The following LHCGR variants were observed in gnomAD, a reference collection of about 807,000 sequenced individuals.
LHCGR encodes the protein lutropin-choriogonadotropic hormone receptor.
LHCGR carries 55 observed loss-of-function variants against 60.7 expected under a neutral mutation model. The ratio of observed to expected loss-of-function variants is 0.91; its 90% CI spans 0.73 to 1.13. LHCGR has a LOEUF of 1.13. LHCGR is among the 50% of genes most tolerant of loss of function. LHCGR has a pLI of 0.00. For missense variants in LHCGR, 862 were observed against 836.0 expected, an observed-to-expected ratio of 1.03 and a Z score of -0.38; for synonymous variants, 337 against 316.5, an observed-to-expected ratio of 1.06 and a Z score of -0.69.
chr2:48,723,925 A>G (rs1255156898), intron 4 of LHCGR, among the ~76,000 whole-genome samples: 3 of 152,218 alleles, frequency 2.0e-5, no homozygotes, highest in African/African-American at 7.2e-5. Context: ...ACTGCTATTT[A>G]GAGACCTGGG....
At chr2:48,712,841 G>T (rs1205191884) in intron 7 of LHCGR, among the ~76,000 whole-genome samples, 1 of 152,120 alleles carries the variant, frequency 6.6e-6, no homozygotes, top group African/African-American at 2.4e-5. Context: ...CTTGCTTAAG[G>T]TCATACCAGC....
chr2:48,714,996 G>T (rs1432022070), intron 6 of LHCGR, among the ~76,000 whole-genome samples: 1 of 152,120 alleles, frequency 6.6e-6, no homozygotes, highest in Non-Finnish European at 1.5e-5. Flanking sequence ...CAATTTTGCT[G>T]ATTCTTTTTA....
intron 9 of LHCGR, among the ~76,000 whole-genome samples, chr2:48,694,963 CT>C (rs1332159507): frequency 6.6e-6 from 1 of 152,012 alleles, no homozygotes; most frequent in African/African-American, 2.4e-5. Flanking sequence ...TAAGCATTCC[CT>C]TTTCTTCCAC....
intron 1 of LHCGR, among the ~76,000 whole-genome samples, chr2:48,738,824 A>G (rs911978461): frequency 2.6e-5 from 4 of 152,262 alleles, no homozygotes; most frequent in Admixed American, 6.5e-5. Flanking sequence ...AGAATATTTT[A>G]TACATACTAG....
intron 7 of LHCGR, among the ~76,000 whole-genome samples, chr2:48,713,481 G>A (rs1046093295): frequency 6.6e-6 from 1 of 152,130 alleles, no homozygotes. Flanking sequence ...TTAACATCAA[G>A]AACTGGGTAG....
chr2:48,714,412 G>C (rs1191545728), intron 6 of LHCGR, among the ~76,000 whole-genome samples: 1 of 152,052 alleles, frequency 6.6e-6, no homozygotes, highest in Non-Finnish European at 1.5e-5. Flanking sequence ...GGTTTTGCAG[G>C]CCGGTGTGGG....
At chr2:48,740,146 C>CA (rs762021522) in intron 1 of LHCGR, among the ~76,000 whole-genome samples, 37 of 152,352 alleles carry the variant, frequency 2.4e-4, no homozygotes, top group Admixed American at 1.1e-3. Flanking sequence ...GCTTAAAAAA[C>CA]GGTGCACGAG....
intron 4 of LHCGR, among the ~76,000 whole-genome samples, chr2:48,725,241 A>G (rs182840141): frequency 1.3e-5 from 2 of 152,334 alleles, no homozygotes; most frequent in Non-Finnish European, 2.9e-5. Context: ...TTTTCATTTA[A>G]TGAACAAATG....
chr2:48,731,412 C>T (rs555991672), intron 1 of LHCGR, 114 bp from the exon 2 acceptor site: 3 of 718,486 alleles, frequency 4.2e-6, no homozygotes, highest in African/African-American at 3.5e-5. Flanking sequence ...TTCAGAGTTC[C>T]CAAGAACTGG....
In LHCGR at chr2:48,719,500, C is replaced by G. The variant is rs143292682; in HGVS notation, c.536+3956G>C. Among the ~76,000 whole-genome samples the G allele has an allele frequency of 4.8e-3, 724 of 152,166 alleles. 4 individuals carry two copies. The highest frequency in any genetic ancestry group is 0.016 in the African/African-American group (672 of 41,500). On this transcript the variant is annotated intron_variant, in intron 6 of 10. Coordinates refer to ENST00000294954, the MANE Select transcript of LHCGR (RefSeq NM_000233.4). ...GTTAAGATGTGAATCAAGATTGTCT[C>G]TTTTTTTGAGACTGGTGTGACCAAT... is the stretch of plus-strand genomic sequence containing the variant.
intron 1 of LHCGR, among the ~76,000 whole-genome samples, chr2:48,732,266 C>A (rs983914358): frequency 6.6e-5 from 10 of 152,048 alleles, no homozygotes; most frequent in Non-Finnish European, 1.5e-4. Flanking sequence ...AGGGAGTGGG[C>A]AAGGATATTT....
At chr2:48,720,674 C>T (rs983932601) in intron 6 of LHCGR, 1 of 152,320 alleles carries the variant, frequency 6.6e-6, no homozygotes, top group Non-Finnish European at 1.5e-5. Context: ...TTGCTCCTGC[C>T]ATCTCTTCAC....
intron 1 of LHCGR, among the ~76,000 whole-genome samples, chr2:48,751,590 T>C (rs559469302): frequency 1.3e-5 from 2 of 152,316 alleles, no homozygotes; most frequent in East Asian, 3.9e-4. Flanking sequence ...TCCACTTACA[T>C]TGTGGGCTTC....
At chr2:48,723,149 G>C (rs1668576457) in intron 6 of LHCGR, among the ~76,000 whole-genome samples, 1 of 152,124 alleles carries the variant, frequency 6.6e-6, no homozygotes, top group African/African-American at 2.4e-5. Context: ...CTCCTCTCTA[G>C]ACTGTGTCTT....
Position 48,711,218 on chromosome 2 carries a change from G to T in LHCGR, c.606-2196C>A, listed in dbSNP as rs185615946. Among the ~76,000 whole-genome samples the T allele has an allele frequency of 1.6e-3, 251 of 152,182 alleles. 1 individual carries two copies. Among genetic ancestry groups the T allele is most frequent in the Middle Eastern group, 6.8e-3 (2 of 294 alleles). ...CCATCCTGGATACCTTGCCTAAATC[G>T]TTCACCCCTCATACTCTCTCAGATC... On this transcript the variant is annotated intron_variant, in intron 7 of 10. Transcript: ENST00000294954.
At chr2:48,727,430 A>C (rs1376748307) in intron 3 of LHCGR, among the ~76,000 whole-genome samples, 1 of 152,232 alleles carries the variant, frequency 6.6e-6, no homozygotes, top group Non-Finnish European at 1.5e-5. Context: ...TGGAGCTAGC[A>C]TGCTAGTCTT....
At chr2:48,751,825 C>A (rs1260821139) in intron 1 of LHCGR, among the ~76,000 whole-genome samples, 1 of 152,174 alleles carries the variant, frequency 6.6e-6, no homozygotes, top group Non-Finnish European at 1.5e-5. Context: ...ATTATGTCTT[C>A]AACAAAATCT....
At chr2:48,692,871 T>C (rs1666922869) in intron 10 of LHCGR, among the ~76,000 whole-genome samples, 1 of 152,176 alleles carries the variant, frequency 6.6e-6, no homozygotes, top group African/African-American at 2.4e-5. Context: ...TTTACTTAGA[T>C]TTTATGTTAA....
Position 48,705,282 on chromosome 2 carries a change from C to T in LHCGR, c.680+3666G>A, listed in dbSNP as rs571840479. Among the ~76,000 whole-genome samples the T allele has an allele frequency of 5.9e-5, 9 of 152,284 alleles. No individual in the cohort carries two copies. In the South Asian group the frequency reaches 1.9e-3, roughly 32 times the overall value. On this transcript the variant is annotated intron_variant, in intron 8 of 10. Transcript: ENST00000294954. Reference sequence around the variant, plus strand: ...GTTTGTTGTGATTTCTGTTCTTTTACATTTGGTGAGGAGTGTTTTATTTCC... The same window carrying T: ...GTTTGTTGTGATTTCTGTTCTTTTATATTTGGTGAGGAGTGTTTTATTTCC...
Sources: gnomAD v4.1 joint callset for allele counts (sites outside exome capture counted in the v4.1 genomes callset) on GRCh38, gnomAD v4.1.1 for gene constraint, MANE v1.5 for transcripts, NCBI Gene and HGNC (gene_info 2026-07-23, HGNC 2026-07-21) for gene names.